The following ASIC2 variants were observed in gnomAD, a reference collection of about 807,000 sequenced individuals.
ASIC2 encodes acid-sensing ion channel 2.
Under a neutral mutation model 57.3 loss-of-function variants are expected in ASIC2, and 25 were observed. That is an observed-to-expected ratio of 0.44 (90% CI 0.32 to 0.61). The LOEUF is 0.61. Ranked by LOEUF, ASIC2 falls within the 20% of genes least tolerant of loss-of-function variation. ASIC2 has a pLI of 0.06. For synonymous variants in ASIC2, 319 were observed against 307.5 expected (o/e 1.04, Z -0.39); for missense variants, 641 against 738.1 (o/e 0.87, Z 1.52).
intron 1 of ASIC2, among the ~76,000 whole-genome samples, chr17:33,258,175 T>C (rs952515537): frequency 3.3e-5 from 5 of 152,256 alleles, no homozygotes; most frequent in African/African-American, 1.2e-4. Context: ...CGTGAATTCA[T>C]TAATCTACTC....
chr17:33,864,427 G>A, intron 1 of ASIC2, among the ~76,000 whole-genome samples: 1 of 152,174 alleles, frequency 6.6e-6, no homozygotes, highest in East Asian at 1.9e-4. Flanking sequence ...TATTTGGCAG[G>A]TGAAACAGGG....
rs138037527 is a variant in ASIC2 at position 33,332,582 on chromosome 17, T to C, written c.556-220515A>G. Among the ~76,000 whole-genome samples, 863 of 152,230 alleles carry C rather than the reference T, an allele frequency of 5.7e-3. 12 individuals are homozygous for C. Among genetic ancestry groups the C allele is most frequent in the African/African-American group, 0.02 (822 of 41,536 alleles). On this transcript the variant is annotated intron_variant, in intron 1 of 9. Coordinates refer to the ASIC2 transcript ENST00000359872. ...TTTAGATGACTATCTCTGGCTTTTG[T>C]TTCCTCTTCTAAAGTCTCAGATTCA...
intron 1 of ASIC2, among the ~76,000 whole-genome samples, chr17:33,376,413 G>A (rs1219912610): frequency 6.6e-6 from 1 of 151,824 alleles, no homozygotes; most frequent in Non-Finnish European, 1.5e-5. Context: ...CAACATGCAG[G>A]TTTGTTACAT....
At chr17:33,131,853 G>A (rs2092347478) in intron 1 of ASIC2, 1 of 152,148 alleles carries the variant, frequency 6.6e-6, no homozygotes, top group Non-Finnish European at 1.5e-5. Context: ...TAGAACATAA[G>A]TGGTAACCAC....
chr17:33,580,157 C>A (rs1355436397), intron 1 of ASIC2: 1 of 152,166 alleles, frequency 6.6e-6, no homozygotes, highest in Non-Finnish European at 1.5e-5. Flanking sequence ...GACCACCAGA[C>A]CACTTTATAC....
At chr17:33,321,283 C>T (rs991274210) in intron 1 of ASIC2, among the ~76,000 whole-genome samples, 3 of 152,150 alleles carry the variant, frequency 2.0e-5, no homozygotes, top group African/African-American at 7.2e-5. Flanking sequence ...TTAGTTTTTG[C>T]TGCAGAGCTA....
chr17:34,072,069 C>T (rs940055603), intron 1 of ASIC2: 1 of 152,308 alleles, frequency 6.6e-6, no homozygotes, highest in African/African-American at 2.4e-5. Flanking sequence ...AAATGAAAGA[C>T]AAAGAGCAGC....
At chr17:33,507,073 G>A (rs1914286187) in intron 1 of ASIC2, among the ~76,000 whole-genome samples, 1 of 152,198 alleles carries the variant, frequency 6.6e-6, no homozygotes, top group South Asian at 2.1e-4. Context: ...ACTTGGACAA[G>A]CTGCTCGGCA....
At chr17:33,086,581 C>G (rs2092134630) in intron 3 of ASIC2, among the ~76,000 whole-genome samples, 1 of 152,208 alleles carries the variant, frequency 6.6e-6, no homozygotes, top group Admixed American at 6.5e-5. Context: ...TAGCCAGGCT[C>G]TTCTGAGCCC....
intron 1 of ASIC2, among the ~76,000 whole-genome samples, chr17:33,250,495 G>C (rs1027712552): frequency 2.6e-5 from 4 of 152,328 alleles, no homozygotes; most frequent in Non-Finnish European, 5.9e-5. Flanking sequence ...AGTAGAACAA[G>C]AAGAGGCCTT....
chr17:34,067,327 T>C (rs1909209386), intron 1 of ASIC2, among the ~76,000 whole-genome samples: 1 of 152,168 alleles, frequency 6.6e-6, no homozygotes, highest in Non-Finnish European at 1.5e-5. Context: ...AAATAGCTGA[T>C]AGATTTGTGA....
intron 1 of ASIC2, among the ~76,000 whole-genome samples, chr17:33,767,366 G>T (rs1910964974): frequency 6.6e-6 from 1 of 152,236 alleles, no homozygotes; most frequent in Non-Finnish European, 1.5e-5. Context: ...CTTTGTGTGT[G>T]TGTGAGACAC....
intron 1 of ASIC2, among the ~76,000 whole-genome samples, chr17:33,519,167 C>T (rs1190337052): frequency 6.6e-6 from 1 of 152,214 alleles, no homozygotes; most frequent in African/African-American, 2.4e-5. Flanking sequence ...AGGAGGCAGC[C>T]ACAGCACAGA....
chr17:33,139,120 C>T (rs2092377732), intron 1 of ASIC2, among the ~76,000 whole-genome samples: 1 of 152,202 alleles, frequency 6.6e-6, no homozygotes, highest in African/African-American at 2.4e-5. Flanking sequence ...CTGTCAGAGT[C>T]TCCTCAAAGC....
At chr17:33,313,584 T>C (rs891956149) in intron 1 of ASIC2, among the ~76,000 whole-genome samples, 8 of 152,194 alleles carry the variant, frequency 5.3e-5, no homozygotes, top group African/African-American at 1.9e-4. Flanking sequence ...CAAATCCCTG[T>C]GCTTTCTCCA....
chr17:33,593,835 G>A (rs775699480), intron 1 of ASIC2, among the ~76,000 whole-genome samples: 1 of 152,172 alleles, frequency 6.6e-6, no homozygotes, highest in African/African-American at 2.4e-5. Flanking sequence ...CACTTGCTAT[G>A]GTTCTTCATT....
At chr17:33,334,404 C>T (rs1251768889) in intron 1 of ASIC2, among the ~76,000 whole-genome samples, 1 of 152,180 alleles carries the variant, frequency 6.6e-6, no homozygotes, top group Admixed American at 6.5e-5. Flanking sequence ...ACACTGTTTG[C>T]CTCCTCTTCT....
chr17:33,073,585 A>G (rs1315789109), intron 3 of ASIC2, among the ~76,000 whole-genome samples: 1 of 152,188 alleles, frequency 6.6e-6, no homozygotes, highest in Non-Finnish European at 1.5e-5. Flanking sequence ...CGACCATCAC[A>G]ATGGGGATCC....
intron 1 of ASIC2, among the ~76,000 whole-genome samples, chr17:33,343,249 AG>A (rs1907802832): frequency 6.6e-6 from 1 of 152,176 alleles, no homozygotes; most frequent in African/African-American, 2.4e-5. Flanking sequence ...CTGACCTAAA[AG>A]GCTCTCCTCC....
Sources: gnomAD v4.1 joint callset for allele counts (sites outside exome capture counted in the v4.1 genomes callset) on GRCh38, gnomAD v4.1.1 for gene constraint, MANE v1.5 for transcripts, NCBI Gene and HGNC (gene_info 2026-07-23, HGNC 2026-07-21) for gene names.